The following FGF13 variants were observed in gnomAD, a reference collection of about 807,000 sequenced individuals.
FGF13 encodes the protein fibroblast growth factor 13.
Under a neutral mutation model 19.5 loss-of-function variants are expected in FGF13, and 2 were observed. The ratio of observed to expected loss-of-function variants is 0.10; its 90% confidence interval spans 0.04 to 0.32. The LOEUF (loss-of-function observed/expected upper bound fraction) is 0.32, where lower values mean the gene tolerates loss of function less well. Among genes scored for constraint, FGF13 ranks in the 10% least tolerant of loss-of-function variants. The probability of loss-of-function intolerance (pLI) is 1.00; values close to 1 mark genes in which losing one functional copy is unlikely to be tolerated. For missense variants in FGF13, 113 were observed against 192.7 expected, an observed-to-expected ratio of 0.59 and a Z score of 2.45; for synonymous variants, 72 against 76.9, an observed-to-expected ratio of 0.94 and a Z score of 0.33.
intron 1 of FGF13, among the ~76,000 whole-genome samples, chrX:139,069,619 A>G (rs1454723371): frequency 1.8e-5 from 2 of 110,674 alleles, no homozygotes; most frequent in Non-Finnish European, 3.8e-5. Flanking sequence ...ATAATTTAAA[A>G]AAAAAAACTA....
chrX:139,116,811 T>C (rs1353772605), intron 1 of FGF13, among the ~76,000 whole-genome samples: 1 of 110,976 alleles, frequency 9.0e-6, no homozygotes, highest in Admixed American at 9.6e-5. Flanking sequence ...GGGAGAATGG[T>C]ACAGGGTGAC....
intron 1 of FGF13, among the ~76,000 whole-genome samples, chrX:138,907,878 T>G: frequency 9.0e-6 from 1 of 111,431 alleles, no homozygotes; most frequent in Middle Eastern, 4.6e-3. Context: ...CCTGATATGC[T>G]AAGAGAAAGC....
At chrX:139,041,686 G>A (rs1211403549) in intron 1 of FGF13, among the ~76,000 whole-genome samples, 2 of 111,841 alleles carry the variant, frequency 1.8e-5, no homozygotes, top group Non-Finnish European at 3.8e-5. Flanking sequence ...CCATAAGTCT[G>A]ATTCTGTGTT....
intron 3 of FGF13, among the ~76,000 whole-genome samples, chrX:138,790,002 G>A (rs1284390938): frequency 2.6e-5 from 2 of 75,944 alleles, no homozygotes; most frequent in African/African-American, 5.2e-5. Flanking sequence ...CCGAGATCAC[G>A]CCACTTGACT....
chrX:138,910,506 A>G (rs1334180438), intron 1 of FGF13, among the ~76,000 whole-genome samples: 1 of 112,103 alleles, frequency 8.9e-6, no homozygotes, highest in Non-Finnish European at 1.9e-5. Context: ...AATGTCAACA[A>G]AGGAAGCCAC....
At chrX:138,759,133 T>A (rs749773811) in intron 3 of FGF13, among the ~76,000 whole-genome samples, 1 of 112,403 alleles carries the variant, frequency 8.9e-6, no homozygotes, top group South Asian at 3.7e-4. Context: ...TTTTGGTTCA[T>A]AAATTAAAAA....
chrX:139,028,197 A>C (rs917409302), intron 1 of FGF13, among the ~76,000 whole-genome samples: 2 of 111,933 alleles, frequency 1.8e-5, no homozygotes, highest in African/African-American at 6.5e-5. Flanking sequence ...TTCTGATTTC[A>C]CTAAATATCT....
chrX:139,048,886 T>A (rs898962027), intron 1 of FGF13, among the ~76,000 whole-genome samples: 2 of 111,416 alleles, frequency 1.8e-5, no homozygotes, highest in African/African-American at 6.5e-5. Flanking sequence ...TTCCTATTTA[T>A]AAAACTAATT....
intron 1 of FGF13, among the ~76,000 whole-genome samples, chrX:138,959,037 T>C (rs2091856134): frequency 8.9e-6 from 1 of 111,912 alleles, no homozygotes; most frequent in Non-Finnish European, 1.9e-5. Context: ...TCTGCTCTGA[T>C]CTTAGTAATT....
At chrX:138,753,558 T>C (rs1303006818) in intron 3 of FGF13, among the ~76,000 whole-genome samples, 4 of 111,936 alleles carry the variant, frequency 3.6e-5, no homozygotes, top group Non-Finnish European at 5.6e-5. Context: ...ATAAGATTCA[T>C]GAGATGAGTG....
chrX:139,091,294 C>A (rs1163807014), intron 1 of FGF13, among the ~76,000 whole-genome samples: 1 of 111,112 alleles, frequency 9.0e-6, no homozygotes, highest in Non-Finnish European at 1.9e-5. Flanking sequence ...TGCAGTTTAT[C>A]ATCTCCCACA....
At chrX:138,944,660 AG>A (rs1342649640) in intron 1 of FGF13, among the ~76,000 whole-genome samples, 1 of 111,247 alleles carries the variant, frequency 9.0e-6, no homozygotes, top group Non-Finnish European at 1.9e-5. Context: ...ATCATTTCTA[AG>A]GGCCCCTCAA....
intron 1 of FGF13, among the ~76,000 whole-genome samples, chrX:138,967,961 C>T (rs2091901460): frequency 9.0e-6 from 1 of 110,969 alleles, no homozygotes; most frequent in Admixed American, 9.6e-5. Flanking sequence ...CTTCCTTTTC[C>T]AGACGACAAA....
At chrX:139,165,838 A>G (rs1223040878) in intron 1 of FGF13, among the ~76,000 whole-genome samples, 1 of 111,914 alleles carries the variant, frequency 8.9e-6, no homozygotes, top group Non-Finnish European at 1.9e-5. Context: ...CTTAGATTTC[A>G]AAAGAAGTAT....
intron 1 of FGF13, among the ~76,000 whole-genome samples, chrX:139,159,168 A>G (rs1603226303): frequency 8.9e-6 from 1 of 112,232 alleles, no homozygotes; most frequent in South Asian, 3.7e-4. Context: ...AGTGGGGGCC[A>G]ATATTCAACA....
intron 1 of FGF13, among the ~76,000 whole-genome samples, chrX:139,101,432 G>C (rs909331811): frequency 1.1e-4 from 12 of 112,359 alleles, no homozygotes; most frequent in African/African-American, 3.6e-4. Context: ...AACACATTTT[G>C]TTGTTTGTGG....
At chrX:138,791,005 G>A (rs1007802151) in intron 3 of FGF13, among the ~76,000 whole-genome samples, 2 of 111,733 alleles carry the variant, frequency 1.8e-5, no homozygotes, top group African/African-American at 6.5e-5. Flanking sequence ...AAAAAACTGT[G>A]TAACAATAAA....
chrX:138,703,151 T>C (rs1245673214), intron 2 of FGF13, 64 bp from the exon 3 acceptor site: 3 of 883,972 alleles, frequency 3.4e-6, no homozygotes, highest in Non-Finnish European at 5.0e-6. Context: ...TTTCAATGTT[T>C]CCAGCAGGAC....
chrX:138,995,898 T>C (rs1321905815), intron 1 of FGF13, among the ~76,000 whole-genome samples: 2 of 111,999 alleles, frequency 1.8e-5, no homozygotes, highest in Non-Finnish European at 3.8e-5. Context: ...CTTTCCACAA[T>C]GGATGAACTA....
Sources: allele counts gnomAD v4.1 joint callset (sites outside exome capture counted in the v4.1 genomes callset), GRCh38; gene constraint gnomAD v4.1.1; transcripts MANE v1.5; gene names NCBI Gene and HGNC (gene_info 2026-07-23, HGNC 2026-07-21).